PPFIA2: variants seen among roughly 807,000 people sequenced by gnomAD.
The protein encoded by PPFIA2 is PPFI scaffold protein A2.
Under a neutral mutation model 175.5 loss-of-function variants are expected in PPFIA2, and 46 were observed. The observed-to-expected ratio is 0.26, with a 90% confidence interval of 0.21 to 0.34. PPFIA2 has a LOEUF of 0.34. PPFIA2 is among the 10% of genes least tolerant of loss of function. PPFIA2 has a pLI of 1.00. For missense variants in PPFIA2, 1,179 were observed against 1,506.1 expected (o/e 0.78, Z 3.60); for synonymous variants, 568 against 511.4 (o/e 1.11, Z -1.49).
intron 21 of PPFIA2, among the ~76,000 whole-genome samples, chr12:81,332,222 G>A (rs1192431299): frequency 6.6e-6 from 1 of 151,952 alleles, no homozygotes; most frequent in Non-Finnish European, 1.5e-5. Context: ...AATCTCTGCA[G>A]TTCCAATCTG....
chr12:81,667,906 A>AT (rs2070662142), intron 4 of PPFIA2, among the ~76,000 whole-genome samples: 4 of 152,052 alleles, frequency 2.6e-5, no homozygotes, highest in Admixed American at 2.0e-4. Context: ...TATCTGCTTC[A>AT]TAGGTCTTTC....
rs149733642 is a variant in PPFIA2 at position 81,598,755 on chromosome 12, C to T, written c.303+78036G>A. On this transcript the variant is annotated intron_variant, in intron 4 of 32. Coordinates refer to ENST00000549396, the MANE Select transcript of PPFIA2 (RefSeq NM_003625.5). The stretch of plus-strand genomic sequence containing the variant: ...ATACAATTCAGTAAGACTGTATATA[C>T]TAGGAGTACTATCAAATAAAATGTA... Among the ~76,000 whole-genome samples, 678 of 151,692 alleles carry T rather than the reference C, an allele frequency of 4.5e-3. 9 individuals carry two copies. The highest frequency in any genetic ancestry group is 0.015 in the African/African-American group (633 of 41,394).
chr12:81,385,580 A>T (rs1026697760), intron 8 of PPFIA2, among the ~76,000 whole-genome samples: 1 of 152,170 alleles, frequency 6.6e-6, no homozygotes, highest in East Asian at 1.9e-4. Flanking sequence ...CCTGGAGGAC[A>T]TTATTCTAAG....
intron 4 of PPFIA2, among the ~76,000 whole-genome samples, chr12:81,470,746 T>C (rs1465661895): frequency 2.6e-5 from 4 of 152,212 alleles, no homozygotes; most frequent in African/African-American, 9.6e-5. Flanking sequence ...TTTTATTTTC[T>C]GTGATAAGAA....
chr12:81,341,629 C>A (rs2140340872), intron 19 of PPFIA2, among the ~76,000 whole-genome samples: 1 of 152,130 alleles, frequency 6.6e-6, no homozygotes. Flanking sequence ...TTATGTGTGG[C>A]CCAAGACAAT....
At chr12:81,605,221 T>G (rs958588189) in intron 4 of PPFIA2, among the ~76,000 whole-genome samples, 2 of 151,894 alleles carry the variant, frequency 1.3e-5, no homozygotes, top group African/African-American at 4.8e-5. Flanking sequence ...CTCAAAATTT[T>G]GCTAAAATGA....
At chr12:81,502,491 A>G (rs1224893550) in intron 4 of PPFIA2, among the ~76,000 whole-genome samples, 1 of 152,148 alleles carries the variant, frequency 6.6e-6, no homozygotes, top group Non-Finnish European at 1.5e-5. Flanking sequence ...GGTCCTAGTA[A>G]TCACTATTTT....
At chr12:81,608,532 G>A (rs1377415839) in intron 4 of PPFIA2, among the ~76,000 whole-genome samples, 1 of 151,964 alleles carries the variant, frequency 6.6e-6, no homozygotes, top group African/African-American at 2.4e-5. Flanking sequence ...GAAATTGTAT[G>A]TTTCCAAGCA....
chr12:81,303,924 T>C (rs2048494994), intron 22 of PPFIA2, among the ~76,000 whole-genome samples: 3 of 152,204 alleles, frequency 2.0e-5, no homozygotes, highest in African/African-American at 4.8e-5. Flanking sequence ...TAAATCCAGA[T>C]GGAAATGCCT....
chr12:81,703,071 C>T (rs2076683929), intron 3 of PPFIA2, among the ~76,000 whole-genome samples: 1 of 152,076 alleles, frequency 6.6e-6, no homozygotes, highest in South Asian at 2.1e-4. Context: ...CGCCGGTGTT[C>T]CCCAGAGTTC....
intron 7 of PPFIA2, among the ~76,000 whole-genome samples, chr12:81,426,730 T>G (rs1180762847): frequency 6.6e-6 from 1 of 152,120 alleles, no homozygotes; most frequent in Non-Finnish European, 1.5e-5. Flanking sequence ...TCCACAGTTT[T>G]CAAGACTTGA....
At chr12:81,491,807 C>G (rs1053672704) in intron 4 of PPFIA2, among the ~76,000 whole-genome samples, 1 of 151,990 alleles carries the variant, frequency 6.6e-6, no homozygotes, top group Non-Finnish European at 1.5e-5. Flanking sequence ...ATGTACTAGT[C>G]TTTACCTATA....
intron 4 of PPFIA2, among the ~76,000 whole-genome samples, chr12:81,559,668 C>T (rs2069575439): frequency 6.6e-6 from 1 of 152,148 alleles, no homozygotes; most frequent in Non-Finnish European, 1.5e-5. Flanking sequence ...TTCTCAAAAA[C>T]ATCAAAAGGA....
intron 21 of PPFIA2, among the ~76,000 whole-genome samples, chr12:81,333,182 C>T (rs1439922501): frequency 1.3e-5 from 2 of 152,132 alleles, no homozygotes; most frequent in African/African-American, 4.8e-5. Flanking sequence ...ACCTCATAAG[C>T]CAGCCCATTT....
chr12:81,647,701 C>T (rs901805038), intron 4 of PPFIA2, among the ~76,000 whole-genome samples: 1 of 149,622 alleles, frequency 6.7e-6, no homozygotes, highest in Non-Finnish European at 1.5e-5. Flanking sequence ...GTGGAGCTTG[C>T]AGTGAGCCAA....
chr12:81,642,913 T>C (rs562102198), intron 4 of PPFIA2, among the ~76,000 whole-genome samples: 12 of 144,372 alleles, frequency 8.3e-5, no homozygotes, highest in African/African-American at 2.5e-4. Flanking sequence ...TACACACAAA[T>C]GTAAAAAATG....
At chr12:81,403,512 T>C (rs1181781366) in intron 8 of PPFIA2, among the ~76,000 whole-genome samples, 1 of 152,198 alleles carries the variant, frequency 6.6e-6, no homozygotes, top group Admixed American at 6.5e-5. Flanking sequence ...TTAAACTCTC[T>C]CTGTAAAACA....
chr12:81,540,782 T>C lies in PPFIA2; in HGVS notation c.304-82916A>G, dbSNP rs977905495. Among the ~76,000 whole-genome samples, 55 of 152,038 alleles carry C rather than the reference T, an allele frequency of 3.6e-4. 1 individual carries two copies. Among genetic ancestry groups the C allele is most frequent in the Non-Finnish European group, 1.6e-4 (11 of 67,966 alleles). ...TAGAATTCTAAGCTATTTTGGCCTA[T>C]TTAAATGAAAATAACATAGAGAAGA... On this transcript the variant is annotated intron_variant, in intron 4 of 32. Transcript: ENST00000549396.
intron 4 of PPFIA2, among the ~76,000 whole-genome samples, chr12:81,544,721 A>G (rs2066730811): frequency 6.6e-6 from 1 of 152,122 alleles, no homozygotes; most frequent in Non-Finnish European, 1.5e-5. Flanking sequence ...AACTGATGAA[A>G]TATAGAGGTT....
Sources: gnomAD v4.1 joint callset for allele counts (sites outside exome capture counted in the v4.1 genomes callset) on GRCh38, gnomAD v4.1.1 for gene constraint, MANE v1.5 for transcripts, NCBI Gene and HGNC (gene_info 2026-07-23, HGNC 2026-07-21) for gene names.